The following SF3B3 variants were observed in gnomAD, a reference collection of about 807,000 sequenced individuals.
SF3B3 encodes SAP 130.
Under a neutral mutation model 139.2 loss-of-function variants are expected in SF3B3, and 33 were observed. That is an observed-to-expected ratio of 0.24 (90% CI 0.18 to 0.32). The LOEUF is 0.32. Ranked by LOEUF, SF3B3 falls within the 10% of genes least tolerant of loss-of-function variation. The probability of loss-of-function intolerance (pLI) is 1.00; values close to 1 mark genes in which losing one functional copy is unlikely to be tolerated. For missense variants in SF3B3, 818 were observed against 1,509.4 expected, an observed-to-expected ratio of 0.54 and a Z score of 7.59; for synonymous variants, 596 against 563.6, an observed-to-expected ratio of 1.06 and a Z score of -0.81.
chr16:70,570,919 T>C (rs988300549), intron 24 of SF3B3, among the ~76,000 whole-genome samples, 176 bp from the exon 25 acceptor site: 1 of 152,218 alleles, frequency 6.6e-6, no homozygotes, highest in Non-Finnish European at 1.5e-5. Flanking sequence ...TGGTCTCCTT[T>C]TGGGGTTTAA....
At chr16:70,535,086 A>T (rs559209750) in intron 5 of SF3B3, among the ~76,000 whole-genome samples, 2 of 152,314 alleles carry the variant, frequency 1.3e-5, no homozygotes, top group Non-Finnish European at 1.5e-5. Context: ...GGAGGTAAAC[A>T]TTTGGATACG....
intron 16 of SF3B3, chr16:70,561,424 A>G: frequency 1.8e-6 from 1 of 562,916 alleles, no homozygotes; most frequent in Non-Finnish European, 3.2e-6. Flanking sequence ...TCTAGATCAT[A>G]TGGCTCGTAG....
chr16:70,541,438 G>C (rs1057189694), intron 8 of SF3B3, among the ~76,000 whole-genome samples: 101 of 152,106 alleles, frequency 6.6e-4, no homozygotes, highest in Non-Finnish European at 3.4e-4. Context: ...CAGTTTATCT[G>C]TATTTTCTTT....
chr16:70,571,633 T>C, intron 25 of SF3B3, 40 bp from the exon 26 acceptor site: 1 of 1,586,984 alleles, frequency 6.3e-7, no homozygotes. Flanking sequence ...TCTTTGGGCA[T>C]CTCACCATTT....
chr16:70,543,242 T>C (rs1313104550), intron 9 of SF3B3, among the ~76,000 whole-genome samples: 1 of 151,430 alleles, frequency 6.6e-6, no homozygotes, highest in Non-Finnish European at 1.5e-5. Context: ...ACCCTGTCTC[T>C]ACTAAAAGAA....
At position 70,526,825 on chromosome 16, in the gene SF3B3, AGTT is replaced by A. The variant is rs1391509253; in HGVS notation, c.70+104_70+106del. The A allele has an allele frequency of 7.1e-5, 59 of 831,114 alleles. 1 individual carries two copies. The highest frequency in any genetic ancestry group is 5.7e-4 in the South Asian group (37 of 65,034). 51.5% of individuals were successfully genotyped at this position (831,114 alleles called of 1,614,324 possible). A position where few individuals can be genotyped will look rare whatever the true frequency, so the allele number is the denominator to read the frequency against. Reference sequence around the variant, plus strand: ...AAATGTTTTCCATTTATGACAAAACAGTTGTTGGTAAATGTAAACAATTCAAAT... The same window carrying A: ...AAATGTTTTCCATTTATGACAAAACAGTTGGTAAATGTAAACAATTCAAAT... On this transcript the variant is annotated intron_variant, in intron 2 of 25. Transcript: ENST00000302516.
At chr16:70,530,939 T>A (rs1197544211) in intron 4 of SF3B3, 22 bp downstream of exon 4, 2 of 1,581,808 alleles carry the variant, frequency 1.3e-6, no homozygotes, top group Non-Finnish European at 1.7e-6. Flanking sequence ...CCTGTCTCTT[T>A]GCGTTTCTTT....
intron 2 of SF3B3, chr16:70,527,074 G>T: frequency 4.0e-6 from 1 of 252,554 alleles, no homozygotes; most frequent in Non-Finnish European, 7.5e-6. Context: ...AATGTCTGAA[G>T]GTGTTTGTCT....
chr16:70,539,778 A>ATT (rs147076928), intron 8 of SF3B3, among the ~76,000 whole-genome samples: 190 of 143,764 alleles, frequency 1.3e-3, no homozygotes, highest in African/African-American at 4.8e-3. Context: ...CATCAAATAA[A>ATT]TTTTTTTTTT....
chr16:70,541,080 G>T (rs1447450101), intron 8 of SF3B3, among the ~76,000 whole-genome samples: 1 of 152,216 alleles, frequency 6.6e-6, no homozygotes, highest in Non-Finnish European at 1.5e-5. Flanking sequence ...GAGGGTTCCA[G>T]TTTCTCCACA....
rs538661631 is a variant in SF3B3 at position 70,560,995 on chromosome 16, C to T, written c.2133+404C>T. Among the ~76,000 whole-genome samples the T allele has an allele frequency of 9.2e-5, 14 of 152,080 alleles. No individual in the cohort carries two copies. The South Asian group carries it at 2.9e-3, about 32-fold the overall frequency. ...AATGTTAGTGTTTCTGGGCACTGTG[C>T]TAATTGATTCCATTTAATTCTGTTT... On this transcript the variant is annotated intron_variant, in intron 16 of 25. Coordinates refer to ENST00000302516, the MANE Select transcript of SF3B3 (RefSeq NM_012426.5).
Position 70,526,639 on chromosome 16 carries a change from C to T in SF3B3, c.-18C>T, listed in dbSNP as rs1353428997. On this transcript the variant is annotated 5_prime_UTR_variant, in exon 2 of 26. Transcript: ENST00000302516. ...AACCAAGGCCTGGAGGTCTGGGTGG[C>T]TCAGGTTTCCTGCAGCCATGTTTCT... The T allele has an allele frequency of 3.1e-6, 5 of 1,610,970 alleles. No individual in the cohort carries two copies. Among genetic ancestry groups the T allele is most frequent in the Non-Finnish European group, 4.2e-6 (5 of 1,177,486 alleles).
At chr16:70,527,936 C>T (rs575831876) in intron 2 of SF3B3, among the ~76,000 whole-genome samples, 15 of 151,552 alleles carry the variant, frequency 9.9e-5, no homozygotes, top group East Asian at 3.9e-4. Flanking sequence ...CCACCATGCC[C>T]GGCTAATTTT....
Position 70,561,783 on chromosome 16 carries a change from C to G in SF3B3, c.2287C>G (p.Arg763Gly). Residue 763 changes from arginine (R) to glycine (G), a missense_variant and splice_region_variant, in exon 17 of 26, where the codon CGG (arginine) becomes GGG (glycine). Arg to Gly is a moderately radical substitution (Grantham distance 125). Around this residue, in one of 14 missense-constraint regions of SF3B3, gnomAD observed 170 missense variants for 353.0 expected, o/e 0.48. Transcript: ENST00000302516. The stretch of plus-strand genomic sequence containing the variant: ...TGTGGCCATCTCCACCAACACCCTA[C>G]GGTGAGTGAGTCTCATGTTTGAAGC... The part of the protein sequence containing the change: ...GIVAISTNTL[R>G]ILALEKLGAV... 1.2e-6 allele frequency: 2 copies of G among 1,613,226 alleles called. No homozygotes were observed. The highest frequency in any genetic ancestry group is 1.7e-6 in the Non-Finnish European group (2 of 1,179,310).
chr16:70,527,356 CTTT>C (rs1343686390), intron 2 of SF3B3, among the ~76,000 whole-genome samples: 2 of 152,096 alleles, frequency 1.3e-5, no homozygotes, highest in African/African-American at 4.8e-5. Context: ...AAAATAAAAA[CTTT>C]TTCTTGCCAT....
Position 70,526,557 on chromosome 16 carries a change from C to T in SF3B3, c.-70-30C>T, listed in dbSNP as rs149213666. 219 of 760,778 alleles carry T rather than the reference C, an allele frequency of 2.9e-4. 2 individuals are homozygous for T. The East Asian group carries it at 5.6e-3, about 19-fold the overall frequency. 47.1% of individuals were successfully genotyped at this position (760,778 alleles called of 1,614,324 possible). ...AATGTCTGTTGAAGTAATAGTCTCC[C>T]AGCTATTTTTCTGTTTTCTGTTTTC... On this transcript the variant is annotated intron_variant, in intron 1 of 25. Transcript: ENST00000302516.
At chr16:70,568,576 A>G (rs2050499266) in intron 22 of SF3B3, 81 bp downstream of exon 22, 4 of 1,102,854 alleles carry the variant, frequency 3.6e-6, no homozygotes, top group Non-Finnish European at 1.3e-6. Flanking sequence ...CCAAGGAGGA[A>G]TCAAATCTGA....
Position 70,529,341 on chromosome 16 carries a change from C to T in SF3B3, c.397+142C>T, listed in dbSNP as rs542823928. The T allele has an allele frequency of 5.3e-5, 35 of 659,754 alleles. No homozygotes were observed. The Admixed American group carries it at 1.0e-3, about 19-fold the overall frequency. The allele number at this position is 659,754 out of a possible 1,614,324, so 40.9% of individuals were successfully genotyped here. A position where few individuals can be genotyped will look rare whatever the true frequency, so the allele number is the denominator to read the frequency against. On this transcript the variant is annotated intron_variant, in intron 3 of 25. Coordinates refer to ENST00000302516, the MANE Select transcript of SF3B3 (RefSeq NM_012426.5). Reference sequence around the variant, plus strand: ...TACTCTAGGTTTAAAGTTGCATTTCCTTTTTAAAAGAGTTGCATTTTCTTT... The same window carrying T: ...TACTCTAGGTTTAAAGTTGCATTTCTTTTTTAAAAGAGTTGCATTTTCTTT...
intron 4 of SF3B3, among the ~76,000 whole-genome samples, chr16:70,531,963 G>A (rs2050125536): frequency 6.6e-6 from 1 of 152,206 alleles, no homozygotes. Flanking sequence ...CTGCTTGGGA[G>A]CCTGAGGCCC....
Sources: gnomAD v4.1 joint callset for allele counts (sites outside exome capture counted in the v4.1 genomes callset) on GRCh38, gnomAD v4.1.1 for gene constraint, gnomAD v4.1.1 regional missense constraint, MANE v1.5 for transcripts, NCBI Gene and HGNC (gene_info 2026-07-23, HGNC 2026-07-21) for gene names.